Variants in SRBD1 observed in about 807,000 individuals in gnomAD.
SRBD1 encodes S1 RNA-binding domain-containing protein 1.
SRBD1 carries 88 observed loss-of-function variants against 115.3 expected under a neutral mutation model. That is an observed-to-expected ratio of 0.76 (90% confidence interval 0.64 to 0.91). The LOEUF is 0.91. SRBD1 is among the 40% of genes least tolerant of loss of function. The probability of loss-of-function intolerance (pLI) is 0.00; values close to 1 mark genes in which losing one functional copy is unlikely to be tolerated. For missense variants in SRBD1, 1,385 were observed against 1,177.4 expected (o/e 1.18, Z -2.58); for synonymous variants, 509 against 407.7 (o/e 1.25, Z -2.99).
intron 14 of SRBD1, among the ~76,000 whole-genome samples, chr2:45,538,248 T>C (rs1011542808): frequency 6.6e-6 from 1 of 152,160 alleles, no homozygotes; most frequent in Non-Finnish European, 1.5e-5. Context: ...GCATCAGCAA[T>C]TGTATTTGGG....
chr2:45,402,130 C>A (rs1253654415), intron 19 of SRBD1, among the ~76,000 whole-genome samples: 4 of 152,060 alleles, frequency 2.6e-5, no homozygotes, highest in Non-Finnish European at 5.9e-5. Context: ...CTTTTAAGGC[C>A]CTCCCCCAAT....
chr2:45,394,397 T>C (rs183792926), intron 19 of SRBD1, among the ~76,000 whole-genome samples: 1 of 152,316 alleles, frequency 6.6e-6, no homozygotes, highest in East Asian at 1.9e-4. Flanking sequence ...CCATTTCCTA[T>C]GATTAATGGC....
intron 14 of SRBD1, among the ~76,000 whole-genome samples, chr2:45,498,354 T>C (rs1558435606): frequency 6.6e-6 from 1 of 152,162 alleles, no homozygotes; most frequent in Non-Finnish European, 1.5e-5. Flanking sequence ...TATCTTGTCA[T>C]TCTCTTAATG....
intron 16 of SRBD1, among the ~76,000 whole-genome samples, chr2:45,456,011 T>C (rs1669140802): frequency 6.6e-6 from 1 of 151,840 alleles, no homozygotes; most frequent in South Asian, 2.1e-4. Context: ...ATATGTTTTA[T>C]AGAGTTCTGT....
At chr2:45,420,032 C>CA (rs1667950670) in intron 16 of SRBD1, 138 bp from the exon 17 acceptor site, 1 of 725,514 alleles carries the variant, frequency 1.4e-6, no homozygotes, top group Non-Finnish European at 2.3e-6. Context: ...ACACTGTTAG[C>CA]AGAATTAAGC....
Position 45,413,165 on chromosome 2 carries a change from T to G in SRBD1, c.2462A>C (p.Asn821Thr). The G allele has an allele frequency of 1.2e-6, 2 of 1,614,134 alleles. No homozygotes were observed. The highest frequency in any genetic ancestry group is 1.7e-6 in the Non-Finnish European group (2 of 1,179,988). Reference sequence around the variant, plus strand: ...ATGAATACAAGTTTGGTCCAAAGGATTTGGCTTCAGTAAAACATTCACTGC... The same window carrying G: ...ATGAATACAAGTTTGGTCCAAAGGAGTTGGCTTCAGTAAAACATTCACTGC... The part of the protein sequence containing the change: ...KTAVNVLLKP[N>T]PLDQTCIHPE... The change falls in exon 19 of 21, where the codon AAT (asparagine) becomes ACT (threonine). Residue 821 changes from asparagine (N) to threonine (T), a missense_variant. Coordinates refer to ENST00000263736, the MANE Select transcript of SRBD1 (RefSeq NM_018079.5).
At chr2:45,429,446 G>A (rs938346171) in intron 16 of SRBD1, among the ~76,000 whole-genome samples, 4 of 151,668 alleles carry the variant, frequency 2.6e-5, no homozygotes, top group East Asian at 1.9e-4. Context: ...CTTATCCACC[G>A]AGATCAAGTT....
chr2:45,483,370 T>C (rs1323696565), intron 15 of SRBD1, among the ~76,000 whole-genome samples: 3 of 152,062 alleles, frequency 2.0e-5, no homozygotes, highest in Non-Finnish European at 4.4e-5. Flanking sequence ...GAGTAAAGAT[T>C]ACCATCCTAA....
Position 45,414,963 on chromosome 2 carries a change from T to G in SRBD1, c.2334-1670A>C, listed in dbSNP as rs1210024413. On this transcript the variant is annotated intron_variant, in intron 18 of 20. Transcript: ENST00000263736. ...TATATAGTATGTACATACACACACA[T>G]ATAGTGTGTATATAGTATGTATATA... Among the ~76,000 whole-genome samples the G allele has an allele frequency of 5.0e-5, 5 of 99,590 alleles. 2 individuals are homozygous for G. Among genetic ancestry groups the G allele is most frequent in the African/African-American group, 8.0e-5 (2 of 24,862 alleles). 65.3% of individuals were successfully genotyped at this position (99,590 alleles called of 152,430 possible). A position where few individuals can be genotyped will look rare whatever the true frequency, so the allele number is the denominator to read the frequency against.
Position 45,389,350 on chromosome 2 carries a change from G to C in SRBD1, c.2948C>G (p.Pro983Arg), listed in dbSNP as rs1376230844. The change falls in exon 21 of 21, where the codon CCC (proline) becomes CGC (arginine). Residue 983 changes from proline to arginine, a missense_variant. Pro to Arg is a moderately radical substitution (Grantham distance 103). Coordinates refer to ENST00000263736, the MANE Select transcript of SRBD1 (RefSeq NM_018079.5). Reference protein sequence around the residue: ...VEVQVLNIDIPRSRITLDLIR... With the variant: ...VEVQVLNIDIRRSRITLDLIR... ...GAGGTCCAGAGTAATCCTAGATCGGGGGATGTCAATGTTGAGTACTTGGAC... is the reference window on the plus strand; with the variant it reads ...GAGGTCCAGAGTAATCCTAGATCGGCGGATGTCAATGTTGAGTACTTGGAC... 2.5e-6 allele frequency: 4 copies of C among 1,613,868 alleles called. No individual in the cohort carries two copies. The highest frequency in any genetic ancestry group is 1.6e-4 in the Middle Eastern group (1 of 6,084).
chr2:45,599,803 T>A lies in SRBD1; in HGVS notation c.294A>T (p.Leu98Phe). 2 of 1,613,624 alleles carry A rather than the reference T, an allele frequency of 1.2e-6. No homozygotes were observed. The highest frequency in any genetic ancestry group is 1.7e-6 in the Non-Finnish European group (2 of 1,179,964). Residue 98 changes from leucine (L) to phenylalanine (F), a missense_variant, in exon 4 of 21, where the codon TTA (leucine) becomes TTT (phenylalanine). Coordinates refer to ENST00000263736, the MANE Select transcript of SRBD1 (RefSeq NM_018079.5). ...NSSVAIADTA[L>F]EDRKNKLDTV... ...TATCCAATTTATTTTTTCTGTCTTCTAAAGCAGTATCAGCAATAGCCACAG... is the reference window on the plus strand; with the variant it reads ...TATCCAATTTATTTTTTCTGTCTTCAAAAGCAGTATCAGCAATAGCCACAG...
Position 45,599,817 on chromosome 2 carries a change from C to T in SRBD1, c.280G>A (p.Ala94Thr). ...TTTCTGTCTTCTAAAGCAGTATCAGCAATAGCCACAGAGCTATTCTATCAA... is the reference window on the plus strand; with the variant it reads ...TTTCTGTCTTCTAAAGCAGTATCAGTAATAGCCACAGAGCTATTCTATCAA... The part of the protein sequence containing the change: ...KEELNSSVAI[A>T]DTALEDRKNK... The change falls in exon 4 of 21, where the codon GCT becomes ACT. Residue 94 changes from alanine (A) to threonine (T), a missense_variant. Coordinates refer to ENST00000263736, the MANE Select transcript of SRBD1 (RefSeq NM_018079.5). The T allele has an allele frequency of 6.2e-7, 1 of 1,612,714 alleles. No homozygotes were observed. Among genetic ancestry groups the T allele is most frequent in the South Asian group, 1.1e-5 (1 of 90,762 alleles).
rs369289728 is a variant in SRBD1 at position 45,547,584 on chromosome 2, G to A, written c.1704C>T (p.Tyr568=). The A allele has an allele frequency of 6.2e-7, 1 of 1,613,000 alleles. No individual in the cohort carries two copies. The highest frequency in any genetic ancestry group is 8.5e-7 in the Non-Finnish European group (1 of 1,179,336). Residue 568 remains tyrosine, a synonymous_variant, in exon 13 of 21, where the codon TAC becomes TAT. Transcript: ENST00000263736. ...CTCGGAAGCCTTGTCCACAATGCAA[G>A]TAAACCACATCAGTATGAAGTATCT... ...TSQILHTDVV[Y]LHCGQGFREA... is the part of the protein sequence containing the mutation.
chr2:45,578,919 G>C (rs1572800200), intron 7 of SRBD1, among the ~76,000 whole-genome samples: 2 of 152,092 alleles, frequency 1.3e-5, no homozygotes, highest in South Asian at 2.1e-4. Context: ...GTATAGAATA[G>C]TTTGACTATA....
At chr2:45,545,136 C>A (rs1426937831) in intron 14 of SRBD1, among the ~76,000 whole-genome samples, 1 of 151,486 alleles carries the variant, frequency 6.6e-6, no homozygotes, top group Non-Finnish European at 1.5e-5. Flanking sequence ...AAAAATTAGC[C>A]GGGTGTGGTG....
At chr2:45,405,680 G>C (rs1389105404) in intron 19 of SRBD1, among the ~76,000 whole-genome samples, 1 of 152,002 alleles carries the variant, frequency 6.6e-6, no homozygotes, top group Non-Finnish European at 1.5e-5. Context: ...AGAGGAGAAA[G>C]AGAAACCAGA....
chr2:45,414,719 TAC>T (rs372893503), intron 18 of SRBD1, among the ~76,000 whole-genome samples: 2,004 of 81,366 alleles, frequency 0.025, 73 homozygotes, highest in Non-Finnish European at 0.034. Context: ...AGTATGTATA[TAC>T]ACACACACAG....
chr2:45,553,072 G>A (rs1672354010), intron 11 of SRBD1, among the ~76,000 whole-genome samples: 1 of 152,158 alleles, frequency 6.6e-6, no homozygotes, highest in South Asian at 2.1e-4. Context: ...AGAGAAGCAA[G>A]AGAGAGGAGT....
intron 2 of SRBD1, among the ~76,000 whole-genome samples, chr2:45,603,615 C>T (rs1001826276): frequency 6.6e-6 from 1 of 152,114 alleles, no homozygotes; most frequent in African/African-American, 2.4e-5. Flanking sequence ...CTGCAACCTC[C>T]ACCTCCTGGG....
Sources: gnomAD v4.1 joint callset for allele counts (sites outside exome capture counted in the v4.1 genomes callset) on GRCh38, gnomAD v4.1.1 for gene constraint, MANE v1.5 for transcripts, NCBI Gene and HGNC (gene_info 2026-07-23, HGNC 2026-07-21) for gene names.